Variants in EIF3F observed in about 807,000 individuals in gnomAD.
EIF3F encodes deubiquitinating enzyme eIF3f.
In EIF3F, 8 loss-of-function variants were observed where a neutral mutation model predicts 36.0. The ratio of observed to expected loss-of-function variants is 0.22; its 90% CI spans 0.13 to 0.40. EIF3F has a LOEUF of 0.40. Ranked by LOEUF, EIF3F falls within the 10% of genes least tolerant of loss-of-function variation. The probability of loss-of-function intolerance (pLI) is 1.00; values close to 1 mark genes in which losing one functional copy is unlikely to be tolerated. For synonymous variants in EIF3F, 184 were observed against 188.5 expected, an observed-to-expected ratio of 0.98 and a Z score of 0.19; for missense variants, 430 against 467.6, an observed-to-expected ratio of 0.92 and a Z score of 0.74.
chr11:8,001,649 G>A lies in EIF3F; in HGVS notation c.*5627G>A, dbSNP rs959681516. On this transcript the variant is annotated 3_prime_UTR_variant, in exon 8 of 8. Transcript: ENST00000651655. ...TCTATAATATGCTGTTGTTGTGTAC[G>A]GGAAAATAAATAATATAAATACCTA... is the stretch of plus-strand genomic sequence containing the variant. 8.5e-5 allele frequency: 13 copies of A among 152,154 alleles called. No homozygotes were observed. The highest frequency in any genetic ancestry group is 3.3e-4 in the Admixed American group (5 of 15,278). 9.4% of individuals were successfully genotyped at this position (152,154 alleles called of 1,614,324 possible). A position where few individuals can be genotyped will look rare whatever the true frequency, so the allele number is the denominator to read the frequency against.
rs777647991 is a variant in EIF3F, at chr11:7,995,246, G to A, written c.883-8G>A. On this transcript the variant is annotated splice_polypyrimidine_tract_variant and splice_region_variant and intron_variant, in intron 6 of 7. Transcript: ENST00000651655. ...ACTGCCTCATCGAGTCTTTGTTTTGGTACTCAGTCTGGAAAGGTGTCAGCT... is the reference window on the plus strand; with the variant it reads ...ACTGCCTCATCGAGTCTTTGTTTTGATACTCAGTCTGGAAAGGTGTCAGCT... The A allele has an allele frequency of 2.5e-6, 4 of 1,613,140 alleles. No homozygotes were observed. The South Asian group carries it at 4.4e-5, about 18-fold the overall frequency.
At position 7,994,647 on chromosome 11, in the gene EIF3F, T is replaced by C. The variant is rs1427148680; in HGVS notation, c.745+130T>C. 7.2e-6 allele frequency: 6 copies of C among 830,140 alleles called. No homozygotes were observed. The Admixed American group carries it at 1.6e-4, about 23-fold the overall frequency. 51.4% of individuals were successfully genotyped at this position (830,140 alleles called of 1,614,324 possible). A position where few individuals can be genotyped will look rare whatever the true frequency, so the allele number is the denominator to read the frequency against. ...CTATTGATCTAAGGTTTGTGAAGACTAGAAGTCACAGTCATCTCTTGTATA... is the reference window on the plus strand; with the variant it reads ...CTATTGATCTAAGGTTTGTGAAGACCAGAAGTCACAGTCATCTCTTGTATA... On this transcript the variant is annotated intron_variant, in intron 5 of 7. Transcript: ENST00000651655.
At chr11:7,995,403 T>G (rs1458765197) in intron 7 of EIF3F, 36 bp downstream of exon 7, 2 of 1,524,788 alleles carry the variant, frequency 1.3e-6, no homozygotes, top group South Asian at 2.2e-5. Flanking sequence ...TTGCCTGGTT[T>G]CTTCCCCCAC....
At position 7,994,595 on chromosome 11, in the gene EIF3F, G is replaced by A. The variant is rs1164367934; in HGVS notation, c.745+78G>A. On this transcript the variant is annotated intron_variant, in intron 5 of 7. Coordinates refer to ENST00000651655, the MANE Select transcript of EIF3F (RefSeq NM_003754.3). ...GGGGCTGCTAGTCTGCAACATGGACGGAGGCCTTGGGTGGTTTGAAAAGGG... is the reference window on the plus strand; with the variant it reads ...GGGGCTGCTAGTCTGCAACATGGACAGAGGCCTTGGGTGGTTTGAAAAGGG... 5.8e-6 allele frequency: 8 copies of A among 1,372,084 alleles called. No individual in the cohort carries two copies. The Admixed American group carries it at 6.1e-5, about 10-fold the overall frequency. The allele number at this position is 1,372,084 out of a possible 1,614,324, so 85.0% of individuals were successfully genotyped here. A position where few individuals can be genotyped will look rare whatever the true frequency, so the allele number is the denominator to read the frequency against.
At chr11:7,988,426 CCTT>C (rs113972553) in intron 1 of EIF3F, among the ~76,000 whole-genome samples, 195 of 152,302 alleles carry the variant, frequency 1.3e-3, no homozygotes, top group African/African-American at 4.4e-3. Flanking sequence ...CTGCCCTTAA[CCTT>C]CAGGTCGAAA....
In EIF3F at chr11:7,997,698, G is replaced by T. The variant is rs1227511259; in HGVS notation, c.*1676G>T. 1 of 152,110 alleles carries T rather than the reference G, an allele frequency of 6.6e-6. No homozygotes were observed. Among genetic ancestry groups the T allele is most frequent in the Non-Finnish European group, 1.5e-5 (1 of 68,036 alleles). 9.4% of individuals were successfully genotyped at this position (152,110 alleles called of 1,614,324 possible). A position where few individuals can be genotyped will look rare whatever the true frequency, so the allele number is the denominator to read the frequency against. ...ATAATGTTGAATGAAAAAAGCTGGT[G>T]TCAGAAGACATGTACATTATGATAC... On this transcript the variant is annotated 3_prime_UTR_variant, in exon 8 of 8. Coordinates refer to ENST00000651655, the MANE Select transcript of EIF3F (RefSeq NM_003754.3).
chr11:7,989,441 G>A (rs1215731446), intron 1 of EIF3F, among the ~76,000 whole-genome samples: 1 of 152,124 alleles, frequency 6.6e-6, no homozygotes, highest in Non-Finnish European at 1.5e-5. Flanking sequence ...TGTTATAGAG[G>A]CAATACTTAC....
chr11:7,987,456 C>T lies in EIF3F; in HGVS notation c.104C>T (p.Ala35Val), dbSNP rs113790013. The T allele has an allele frequency of 2.4e-5, 38 of 1,603,710 alleles. No homozygotes were observed. Among genetic ancestry groups the T allele is most frequent in the Non-Finnish European group, 3.0e-5 (35 of 1,178,916 alleles). ...SVPAPTPAPA[A>V]APVPAAAPAS... ...CCAGCGCCAACGCCAGCACCGGCTGCGGCTCCGGTTCCCGCTGCGGCTCCA... is the reference window on the plus strand; with the variant it reads ...CCAGCGCCAACGCCAGCACCGGCTGTGGCTCCGGTTCCCGCTGCGGCTCCA... Residue 35 changes from alanine to valine, a missense_variant, in exon 1 of 8, where the codon GCG becomes GTG. Transcript: ENST00000651655.
intron 5 of EIF3F, 83 bp downstream of exon 5, chr11:7,994,600 C>A: frequency 1.5e-6 from 2 of 1,347,494 alleles, no homozygotes; most frequent in Non-Finnish European, 1.0e-6. Context: ...TGGACGGAGG[C>A]CTTGGGTGGT....
intron 4 of EIF3F, 116 bp downstream of exon 4, chr11:7,993,140 GT>G: frequency 1.7e-6 from 2 of 1,200,790 alleles, no homozygotes; most frequent in Non-Finnish European, 2.3e-6. Flanking sequence ...TAGGAAGCCT[GT>G]TCCTCTCTCT....
chr11:7,996,546 G>A lies in EIF3F; in HGVS notation c.*524G>A, dbSNP rs549259930. ...GCAGAATTAAGATCTGTGGGTTAAA[G>A]ATTAAAGAGGTTTCCCCAAAACTTC... On this transcript the variant is annotated 3_prime_UTR_variant, in exon 8 of 8. Coordinates refer to ENST00000651655, the MANE Select transcript of EIF3F (RefSeq NM_003754.3). 6.0e-3 allele frequency: 910 copies of A among 152,882 alleles called. 12 individuals carry two copies. Among genetic ancestry groups the A allele is most frequent in the Non-Finnish European group, 7.5e-3 (516 of 68,490 alleles). 9.5% of individuals were successfully genotyped at this position (152,882 alleles called of 1,614,324 possible). A position where few individuals can be genotyped will look rare whatever the true frequency, so the allele number is the denominator to read the frequency against.
At chr11:7,992,303 C>T (rs1942106798) in intron 3 of EIF3F, 140 bp downstream of exon 3, 1 of 752,844 alleles carries the variant, frequency 1.3e-6, no homozygotes, top group Non-Finnish European at 2.1e-6. Flanking sequence ...TGAGCAGTGG[C>T]TCAATGCCTG....
At chr11:7,991,350 C>T (rs1407421702) in intron 1 of EIF3F, among the ~76,000 whole-genome samples, 3 of 152,038 alleles carry the variant, frequency 2.0e-5, no homozygotes, top group African/African-American at 7.2e-5. Context: ...AAGGGAGGTA[C>T]AGATGAAGCT....
At chr11:7,990,439 A>G (rs75567513) in intron 1 of EIF3F, among the ~76,000 whole-genome samples, 341 of 152,380 alleles carry the variant, frequency 2.2e-3, no homozygotes, top group African/African-American at 6.7e-3. Context: ...AACTTTATTC[A>G]CAAAAAACAT....
chr11:7,988,759 C>G (rs999618785), intron 1 of EIF3F, among the ~76,000 whole-genome samples: 2 of 152,132 alleles, frequency 1.3e-5, no homozygotes, highest in Non-Finnish European at 2.9e-5. Flanking sequence ...TGCCATGTGA[C>G]TTGGGGCAGA....
Position 7,992,095 on chromosome 11 carries a change from C to A in EIF3F, c.447C>A (p.Asp149Glu), listed in dbSNP as rs776817370. 1 of 1,613,616 alleles carries A rather than the reference C, an allele frequency of 6.2e-7. No individual in the cohort carries two copies. Among genetic ancestry groups the A allele is most frequent in the Admixed American group, 1.7e-5 (1 of 60,008 alleles). Residue 149 changes from aspartate to glutamate, a missense_variant, in exon 3 of 8, where the codon GAC becomes GAA. Physicochemically the swap from Asp to Glu is conservative, Grantham distance 45. Transcript: ENST00000651655. Reference protein sequence around the residue: ...HNESEDEVAVDMEFAKNMYEL... With the variant: ...HNESEDEVAVEMEFAKNMYEL... Reference sequence around the variant, plus strand: ...GCCTTCCCTCTTAGGTGGCTGTTGACATGGAATTTGCTAAGAATATGTATG... The same window carrying A: ...GCCTTCCCTCTTAGGTGGCTGTTGAAATGGAATTTGCTAAGAATATGTATG...
At chr11:7,994,170 G>A (rs537771728) in intron 4 of EIF3F, among the ~76,000 whole-genome samples, 7 of 152,228 alleles carry the variant, frequency 4.6e-5, no homozygotes, top group East Asian at 3.9e-4. Flanking sequence ...ACACTGCACC[G>A]TGTGTGAAGT....
intron 1 of EIF3F, among the ~76,000 whole-genome samples, chr11:7,991,256 G>A (rs139258889): frequency 6.1e-4 from 93 of 152,222 alleles, no homozygotes; most frequent in Non-Finnish European, 1.1e-3. Flanking sequence ...ACAAAAGTTT[G>A]TGGTAAAAGA....
chr11:7,987,594 C>G lies in EIF3F; in HGVS notation c.242C>G (p.Ala81Gly), dbSNP rs781140148. The change falls in exon 1 of 8, where the codon GCT becomes GGT. Residue 81 changes from alanine (A) to glycine (G), a missense_variant. Coordinates refer to ENST00000651655, the MANE Select transcript of EIF3F (RefSeq NM_003754.3). Reference sequence around the variant, plus strand: ...CCAGCGCCCGCTCTGCCTGGTCCTGCTCTTCCAGGGCCCTTCCCCGGCGGC... The same window carrying G: ...CCAGCGCCCGCTCTGCCTGGTCCTGGTCTTCCAGGGCCCTTCCCCGGCGGC... ...QTPAPALPGP[A>G]LPGPFPGGRV... The G allele has an allele frequency of 5.1e-5, 81 of 1,596,306 alleles. No homozygotes were observed. The African/African-American group carries it at 9.6e-4, about 19-fold the overall frequency.
Sources: gnomAD v4.1 joint callset for allele counts (sites outside exome capture counted in the v4.1 genomes callset) on GRCh38, gnomAD v4.1.1 for gene constraint, MANE v1.5 for transcripts, NCBI Gene and HGNC (gene_info 2026-07-23, HGNC 2026-07-21) for gene names.